Variants in IFT122 observed in about 807,000 individuals in gnomAD.
IFT122 encodes intraflagellar transport protein 122 homolog.
IFT122 carries 118 observed loss-of-function variants against 161.6 expected under a neutral mutation model. The ratio of observed to expected loss-of-function variants is 0.73; its 90% CI spans 0.63 to 0.85. The LOEUF is 0.85. Among genes scored for constraint, IFT122 ranks in the 40% least tolerant of loss-of-function variants. The pLI is 0.00. For synonymous variants in IFT122, 550 were observed against 602.4 expected (o/e 0.91, Z 1.27); for missense variants, 1,381 against 1,579.6 (o/e 0.87, Z 2.13).
At chr3:129,441,340 C>G (rs1229319679) in intron 1 of IFT122, among the ~76,000 whole-genome samples, 1 of 152,158 alleles carries the variant, frequency 6.6e-6, no homozygotes, top group Non-Finnish European at 1.5e-5. Flanking sequence ...TCAAGGCTCA[C>G]GTTGGAGACG....
chr3:129,449,786 A>G lies in IFT122; in HGVS notation c.42-85A>G. 3.3e-6 allele frequency: 3 copies of G among 905,538 alleles called. No individual in the cohort carries two copies. The East Asian group carries it at 7.2e-5, about 22-fold the overall frequency. 56.1% of individuals were successfully genotyped at this position (905,538 alleles called of 1,614,324 possible). ...CTCAGTACACACACAGTGTTTCTTA[A>G]TGGCAATAAAGTTTACTTTCCTGGC... On this transcript the variant is annotated intron_variant, in intron 1 of 29. Transcript: ENST00000348417.
intron 26 of IFT122, among the ~76,000 whole-genome samples, 162 bp from the exon 27 acceptor site, chr3:129,517,305 GAC>G (rs2084079994): frequency 7.4e-6 from 1 of 135,258 alleles, no homozygotes; most frequent in Non-Finnish European, 1.5e-5. Flanking sequence ...CACACACAGA[GAC>G]TGCTCCTGCA....
intron 24 of IFT122, chr3:129,513,161 G>A (rs1013945785): frequency 3.3e-5 from 5 of 153,034 alleles, no homozygotes; most frequent in African/African-American, 9.7e-5. Flanking sequence ...GCCATCGAGG[G>A]CCACAGTGGT....
At chr3:129,520,105 CGTCCT>C in intron 29 of IFT122, 66 bp from the exon 30 acceptor site, 1 of 1,266,826 alleles carries the variant, frequency 7.9e-7, no homozygotes, top group African/African-American at 1.5e-5. Context: ...AGAGGCAGTG[CGTCCT>C]GGCCCCAGGC....
At chr3:129,468,406 C>T (rs973810409) in intron 8 of IFT122, among the ~76,000 whole-genome samples, 14 of 151,982 alleles carry the variant, frequency 9.2e-5, no homozygotes, top group African/African-American at 3.4e-4. Flanking sequence ...TGCAGTGGCA[C>T]GATCTCGGCT....
At chr3:129,460,909 A>C (rs1225990755) in intron 4 of IFT122, 1 of 1,614,156 alleles carries the variant, frequency 6.2e-7, no homozygotes. Flanking sequence ...GGGCCTCCAC[A>C]AAACAGTAAG....
At chr3:129,512,661 C>T (rs753033587) in intron 24 of IFT122, 2 of 562,348 alleles carry the variant, frequency 3.6e-6, no homozygotes, top group Non-Finnish European at 6.4e-6. Flanking sequence ...CTGGCCAACA[C>T]ACTGTCCCAA....
At chr3:129,515,678 G>C (rs1481727638) in intron 26 of IFT122, 79 bp downstream of exon 26, 2 of 1,333,002 alleles carry the variant, frequency 1.5e-6, no homozygotes, top group East Asian at 4.6e-5. Flanking sequence ...CTGGCCTCAG[G>C]ACGTTGGGCA....
At chr3:129,447,434 A>G (rs9857517) in intron 1 of IFT122, among the ~76,000 whole-genome samples, 4,423 of 152,270 alleles carry the variant, frequency 0.029, 203 homozygotes, top group African/African-American at 0.098. Flanking sequence ...CTGGGTTAAG[A>G]TAAAGGATTG....
At chr3:129,502,264 C>T (rs965631090) in intron 19 of IFT122, among the ~76,000 whole-genome samples, 19 of 152,222 alleles carry the variant, frequency 1.2e-4, no homozygotes, top group Non-Finnish European at 2.5e-4. Context: ...ATTCCTGCAC[C>T]CGTGGTGGAA....
intron 7 of IFT122, among the ~76,000 whole-genome samples, chr3:129,466,565 G>A (rs369783323): frequency 2.9e-4 from 42 of 142,756 alleles, no homozygotes; most frequent in African/African-American, 9.0e-4. Context: ...GCAGTAGTGC[G>A]ATCTTGGCTC....
intron 18 of IFT122, among the ~76,000 whole-genome samples, chr3:129,496,158 G>A (rs923959912): frequency 6.6e-6 from 1 of 152,142 alleles, no homozygotes; most frequent in African/African-American, 2.4e-5. Flanking sequence ...TGGCTACCAT[G>A]TGGTTGCAGT....
At chr3:129,465,931 C>G (rs1319388120) in intron 7 of IFT122, among the ~76,000 whole-genome samples, 1 of 150,196 alleles carries the variant, frequency 6.7e-6, no homozygotes, top group Admixed American at 6.6e-5. Flanking sequence ...CGTGAGCCAC[C>G]GCGCACGCCT....
intron 8 of IFT122, 45 bp from the exon 9 acceptor site, chr3:129,469,297 G>A: frequency 2.7e-6 from 4 of 1,497,626 alleles, no homozygotes; most frequent in South Asian, 1.1e-5. Context: ...ATACTCATCA[G>A]CAGGCTGTGG....
At chr3:129,513,913 A>G (rs1417631694) in intron 24 of IFT122, 7 of 291,988 alleles carry the variant, frequency 2.4e-5, no homozygotes, top group Non-Finnish European at 4.7e-5. Context: ...ACTGCCCACC[A>G]GGCCCTCGGG....
At position 129,487,873 on chromosome 3, in the gene IFT122, T is replaced by C. The variant is rs570439368; in HGVS notation, c.1852-384T>C. 370 of 342,980 alleles carry C rather than the reference T, an allele frequency of 1.1e-3. 2 individuals are homozygous for C. The East Asian group carries it at 0.019, about 18-fold the overall frequency. The allele number at this position is 342,980 out of a possible 1,614,324, so 21.2% of individuals were successfully genotyped here. ...CCCTGGGGTGGGGGCTTGAGGGGCT[T>C]GGGAGGACTCTGCAGAAGAGGTGAC... On this transcript the variant is annotated intron_variant, in intron 15 of 29. Transcript: ENST00000348417.
chr3:129,465,675 G>C, intron 7 of IFT122, among the ~76,000 whole-genome samples: 1 of 84,776 alleles, frequency 1.2e-5, no homozygotes, highest in African/African-American at 9.6e-5. Context: ...TCGCTCTGTC[G>C]CCCAGGCCGG....
chr3:129,490,652 G>T (rs1402426884), intron 16 of IFT122, among the ~76,000 whole-genome samples: 1 of 152,212 alleles, frequency 6.6e-6, no homozygotes, highest in African/African-American at 2.4e-5. Context: ...GAGCCCAGAA[G>T]CAGAGAAGTA....
intron 15 of IFT122, among the ~76,000 whole-genome samples, chr3:129,486,201 G>A (rs1382891280): frequency 6.6e-6 from 1 of 152,186 alleles, no homozygotes; most frequent in African/African-American, 2.4e-5. Context: ...GCTGTGATAT[G>A]CCTGCCTGAG....
Sources: gnomAD v4.1 joint callset for allele counts (sites outside exome capture counted in the v4.1 genomes callset) on GRCh38, gnomAD v4.1.1 for gene constraint, MANE v1.5 for transcripts, NCBI Gene and HGNC (gene_info 2026-07-23, HGNC 2026-07-21) for gene names.